Variants in ACTR2 observed in about 807,000 individuals in gnomAD.
ACTR2 encodes actin-related protein 2.
Under a neutral mutation model 50.2 loss-of-function variants are expected in ACTR2, and 5 were observed. The ratio of observed to expected loss-of-function variants is 0.10; its 90% CI spans 0.05 to 0.21. The LOEUF is 0.21. Ranked by LOEUF, ACTR2 falls within the 10% of genes least tolerant of loss-of-function variation. ACTR2 has a pLI of 1.00. For synonymous variants in ACTR2, 140 were observed against 162.9 expected, an observed-to-expected ratio of 0.86 and a Z score of 1.07; for missense variants, 180 against 480.6, an observed-to-expected ratio of 0.37 and a Z score of 5.85.
chr2:65,255,783 A>T, intron 6 of ACTR2, 89 bp downstream of exon 6: 1 of 1,257,970 alleles, frequency 7.9e-7, no homozygotes, highest in Non-Finnish European at 1.1e-6. Context: ...TCTTAGAATC[A>T]GTATTTTTGT....
intron 6 of ACTR2, 54 bp downstream of exon 6, chr2:65,255,748 T>A (rs1672137649): frequency 2.0e-6 from 3 of 1,489,972 alleles, no homozygotes; most frequent in Non-Finnish European, 2.7e-6. Context: ...CAGCCATGAT[T>A]ATTGGTGTCA....
intron 2 of ACTR2, among the ~76,000 whole-genome samples, chr2:65,245,712 CCTTA>C (rs1259438914): frequency 1.2e-4 from 18 of 152,190 alleles, no homozygotes; most frequent in South Asian, 4.1e-4. Context: ...GCTAGGACAT[CCTTA>C]CTTATTATAT....
At chr2:65,244,476 A>G (rs1218393024) in intron 2 of ACTR2, among the ~76,000 whole-genome samples, 1 of 152,184 alleles carries the variant, frequency 6.6e-6, no homozygotes, top group Non-Finnish European at 1.5e-5. Context: ...ATTAATATAT[A>G]TCATACTGAT....
intron 2 of ACTR2, among the ~76,000 whole-genome samples, chr2:65,246,003 G>A (rs1671930792): frequency 6.6e-6 from 1 of 152,192 alleles, no homozygotes; most frequent in African/African-American, 2.4e-5. Flanking sequence ...CTATTTATTA[G>A]TTGGTGTATG....
intron 1 of ACTR2, among the ~76,000 whole-genome samples, chr2:65,237,541 G>T (rs758202281): frequency 2.0e-5 from 3 of 152,026 alleles, no homozygotes; most frequent in African/African-American, 4.8e-5. Flanking sequence ...TGGGCCCAGC[G>T]TAAACAGACT....
chr2:65,243,146 G>T (rs962157259), intron 2 of ACTR2, among the ~76,000 whole-genome samples: 1 of 152,082 alleles, frequency 6.6e-6, no homozygotes, highest in Non-Finnish European at 1.5e-5. Flanking sequence ...AGGTGTGGTG[G>T]TGTGTGCCTG....
intron 1 of ACTR2, among the ~76,000 whole-genome samples, chr2:65,232,585 A>G (rs1416696716): frequency 6.6e-6 from 1 of 152,216 alleles, no homozygotes; most frequent in Non-Finnish European, 1.5e-5. Context: ...CAGTACCATG[A>G]GATAAAATTA....
At chr2:65,231,923 C>A (rs149681223) in intron 1 of ACTR2, among the ~76,000 whole-genome samples, 2 of 152,164 alleles carry the variant, frequency 1.3e-5, no homozygotes, top group East Asian at 1.9e-4. Context: ...TCATGCAGCC[C>A]GTGGGCCATG....
At chr2:65,233,768 C>T (rs529898006) in intron 1 of ACTR2, among the ~76,000 whole-genome samples, 12 of 152,122 alleles carry the variant, frequency 7.9e-5, no homozygotes, top group Middle Eastern at 3.4e-3. Context: ...TGCACCACCA[C>T]GCCCAGCCAA....
chr2:65,248,651 C>T (rs566694898), intron 3 of ACTR2, among the ~76,000 whole-genome samples: 3 of 152,060 alleles, frequency 2.0e-5, no homozygotes, highest in East Asian at 1.9e-4. Context: ...ATAAATGATA[C>T]GGTTCAACAA....
chr2:65,269,210 A>C lies in ACTR2; in HGVS notation c.*476A>C, dbSNP rs1017892199. On this transcript the variant is annotated 3_prime_UTR_variant, in exon 9 of 9. Transcript: ENST00000260641. ...TTTCCTCTGTAATGTGGCGCTTTCA[A>C]CTGTACTGCTGCAGCTTTAAGTACC... 6.6e-6 allele frequency: 1 copy of C among 152,350 alleles called. No individual in the cohort carries two copies. The highest frequency in any genetic ancestry group is 1.5e-5 in the Non-Finnish European group (1 of 68,464). 9.4% of individuals were successfully genotyped at this position (152,350 alleles called of 1,614,324 possible).
intron 5 of ACTR2, among the ~76,000 whole-genome samples, chr2:65,254,276 G>C (rs1399723700): frequency 6.6e-6 from 1 of 152,122 alleles, no homozygotes; most frequent in African/African-American, 2.4e-5. Flanking sequence ...TGGTTGGGTT[G>C]TCTGCTCTTG....
Position 65,255,649 on chromosome 2 carries a change from G to A in ACTR2, c.690G>A (p.Glu230=), listed in dbSNP as rs201055237. ...LCYVGYNIEQ[E]QKLALETTVL... ...ACGTGGGATATAATATTGAGCAAGA[G>A]CAGAAACTGGCCTTAGAAACCACAG... Residue 230 remains glutamate, a synonymous_variant, in exon 6 of 9, where the codon GAG becomes GAA. Coordinates refer to ENST00000260641, the MANE Select transcript of ACTR2 (RefSeq NM_005722.4). 1.9e-6 allele frequency: 3 copies of A among 1,613,944 alleles called. No homozygotes were observed. The highest frequency in any genetic ancestry group is 2.7e-5 in the African/African-American group (2 of 75,032).
At chr2:65,262,846 G>C (rs904895111) in intron 7 of ACTR2, among the ~76,000 whole-genome samples, 19 of 151,764 alleles carry the variant, frequency 1.3e-4, no homozygotes, top group Admixed American at 6.6e-5. Context: ...TACTCCTGTA[G>C]TCCTAGCTAC....
At chr2:65,233,219 T>C (rs1013868875) in intron 1 of ACTR2, among the ~76,000 whole-genome samples, 3 of 152,110 alleles carry the variant, frequency 2.0e-5, no homozygotes, top group African/African-American at 7.2e-5. Context: ...GGTCTCCAAC[T>C]CCTGACGTCA....
At chr2:65,254,142 G>C (rs550254962) in intron 5 of ACTR2, among the ~76,000 whole-genome samples, 27 of 152,228 alleles carry the variant, frequency 1.8e-4, no homozygotes, top group Middle Eastern at 6.8e-3. Flanking sequence ...TATTCCTGAG[G>C]AGTGAGTAGA....
intron 6 of ACTR2, among the ~76,000 whole-genome samples, chr2:65,260,026 T>C (rs1010957936): frequency 6.6e-6 from 1 of 152,216 alleles, no homozygotes; most frequent in Non-Finnish European, 1.5e-5. Flanking sequence ...TTAAAATGTA[T>C]TAGGACCTAG....
intron 5 of ACTR2, 64 bp from the exon 6 acceptor site, chr2:65,255,481 T>C: frequency 1.4e-6 from 2 of 1,442,638 alleles, no homozygotes; most frequent in East Asian, 2.3e-5. Context: ...TGAGCATTAC[T>C]AGCTTTTGCA....
Position 65,236,666 on chromosome 2 carries a change from C to T in ACTR2, c.49-3186C>T, listed in dbSNP as rs556495787. 1.6e-4 allele frequency among the ~76,000 whole-genome samples: 24 copies of T among 152,028 alleles called. No homozygotes were observed. The East Asian group carries it at 3.1e-3, about 20-fold the overall frequency. ...CGTGATCTCAGCTCACTGCAACCTC[C>T]GCCTCCCAGGTTCAAGTGATTCTCA... On this transcript the variant is annotated intron_variant, in intron 1 of 8. Coordinates refer to ENST00000260641, the MANE Select transcript of ACTR2 (RefSeq NM_005722.4).
Sources: gnomAD v4.1 joint callset for allele counts (sites outside exome capture counted in the v4.1 genomes callset) on GRCh38, gnomAD v4.1.1 for gene constraint, MANE v1.5 for transcripts, NCBI Gene and HGNC (gene_info 2026-07-23, HGNC 2026-07-21) for gene names.